Variants in XIAP observed in about 807,000 individuals in gnomAD.
XIAP encodes the protein X-linked inhibitor of apoptosis.
Under a neutral mutation model 33.1 loss-of-function variants are expected in XIAP, and 3 were observed. The observed-to-expected ratio is 0.09, with a 90% CI of 0.04 to 0.23. The LOEUF is 0.23. XIAP is among the 10% of genes least tolerant of loss of function. XIAP has a pLI of 1.00. For missense variants in XIAP, 264 were observed against 363.0 expected, an observed-to-expected ratio of 0.73 and a Z score of 2.22; for synonymous variants, 98 against 121.3, an observed-to-expected ratio of 0.81 and a Z score of 1.26.
intron 4 of XIAP, among the ~76,000 whole-genome samples, 181 bp from the exon 5 acceptor site, chrX:123,892,550 A>G (rs971065404): frequency 9.0e-6 from 1 of 111,275 alleles, no homozygotes; most frequent in African/African-American, 3.3e-5. Context: ...TGAAGGGATT[A>G]GATTAGATAA....
intron 1 of XIAP, 56 bp downstream of exon 1, chrX:123,860,349 C>T (rs1294854343): frequency 1.2e-5 from 4 of 322,820 alleles, no homozygotes; most frequent in African/African-American, 1.1e-4. Flanking sequence ...TTCCCCTCTC[C>T]TCCCTCCCCT....
intron 3 of XIAP, among the ~76,000 whole-genome samples, chrX:123,889,997 ATTTTTTTTTTTTTTTTTTTT>A (rs771503633): frequency 4.2e-4 from 14 of 33,068 alleles, no homozygotes; most frequent in South Asian, 2.7e-3. Flanking sequence ...AGTTGTTCAC[ATTTTTTTTTTTTTTTTTTTT>A]TTTTTTTTTT....
At chrX:123,900,454 A>T in intron 5 of XIAP, 39 bp from the exon 6 acceptor site, 1 of 1,108,224 alleles carries the variant, frequency 9.0e-7, no homozygotes, top group Non-Finnish European at 1.2e-6. Flanking sequence ...ATAATTGTTT[A>T]AATTCTATGT....
In XIAP at chrX:123,908,142, A is replaced by G. The variant is rs760512660; in HGVS notation, c.*961A>G. ...TCAAACGCCTGCAAAACTACTTATC[A>G]CTCAGCTTTAGTTTTTCTAATCCAA... is the stretch of plus-strand genomic sequence containing the variant. On this transcript the variant is annotated 3_prime_UTR_variant, in exon 7 of 7. Transcript: ENST00000371199. The G allele has an allele frequency of 2.8e-5, 10 of 362,867 alleles. No homozygotes were observed. The highest frequency in any genetic ancestry group is 5.2e-5 in the Non-Finnish European group (10 of 190,726). The allele number at this position is 362,867 out of a possible 1,213,427, so 29.9% of individuals were successfully genotyped here. A position where few individuals can be genotyped will look rare whatever the true frequency, so the allele number is the denominator to read the frequency against.
Position 123,908,255 on chromosome X carries a change from G to T in XIAP, c.*1074G>T, listed in dbSNP as rs1217586777. 5.5e-6 allele frequency: 2 copies of T among 363,593 alleles called. No homozygotes were observed. The highest frequency in any genetic ancestry group is 6.0e-5 in the Admixed American group (2 of 33,190). The allele number at this position is 363,593 out of a possible 1,213,427, so 30.0% of individuals were successfully genotyped here. A position where few individuals can be genotyped will look rare whatever the true frequency, so the allele number is the denominator to read the frequency against. On this transcript the variant is annotated 3_prime_UTR_variant, in exon 7 of 7. Coordinates refer to ENST00000371199, the MANE Select transcript of XIAP (RefSeq NM_001167.4). ...TGCTTTGTGGATGAAAAATATTTCT[G>T]AGTGGTAGTTTTTTGACAGGTAGAC...
rs774271940 is a variant in XIAP, at chrX:123,892,808, C to G, written c.1099+35C>G. 3.6e-6 allele frequency: 4 copies of G among 1,110,060 alleles called. No individual in the cohort carries two copies. The African/African-American group carries it at 7.3e-5, about 20-fold the overall frequency. The allele number at this position is 1,110,060 out of a possible 1,213,427, so 91.5% of individuals were successfully genotyped here. A position where few individuals can be genotyped will look rare whatever the true frequency, so the allele number is the denominator to read the frequency against. Reference sequence around the variant, plus strand: ...CTTGTTAACTATCCTTTTAATTTAACTGCCAATTTATTTATTTATTTATTT... The same window carrying G: ...CTTGTTAACTATCCTTTTAATTTAAGTGCCAATTTATTTATTTATTTATTT... On this transcript the variant is annotated intron_variant, in intron 5 of 6. Coordinates refer to ENST00000371199, the MANE Select transcript of XIAP (RefSeq NM_001167.4).
At chrX:123,882,331 A>G (rs1243200477) in intron 1 of XIAP, among the ~76,000 whole-genome samples, 2 of 111,538 alleles carry the variant, frequency 1.8e-5, no homozygotes, top group Admixed American at 1.9e-4. Flanking sequence ...AATGACCTTA[A>G]TTCTGCCCTC....
intron 1 of XIAP, among the ~76,000 whole-genome samples, chrX:123,867,366 T>A (rs2148071992): frequency 9.4e-6 from 1 of 106,755 alleles, no homozygotes; most frequent in Non-Finnish European, 1.9e-5. Context: ...GCAGTCTTTT[T>A]TTTTTTTTTG....
intron 1 of XIAP, among the ~76,000 whole-genome samples, chrX:123,883,163 A>T (rs1015293703): frequency 9.2e-6 from 1 of 109,276 alleles, no homozygotes; most frequent in African/African-American, 3.3e-5. Flanking sequence ...GCTCACTGCA[A>T]CCTCCGCTCC....
intron 4 of XIAP, among the ~76,000 whole-genome samples, chrX:123,892,290 C>T (rs1334980717): frequency 1.8e-5 from 2 of 111,186 alleles, no homozygotes; most frequent in East Asian, 5.6e-4. Flanking sequence ...TTGCTTGAAC[C>T]TGGGAGGTGG....
intron 5 of XIAP, among the ~76,000 whole-genome samples, chrX:123,899,165 ATG>A (rs2053491156): frequency 3.1e-5 from 1 of 32,344 alleles, no homozygotes; most frequent in Non-Finnish European, 5.3e-5. Context: ...ATATATATAT[ATG>A]ATTTTATATA....
chrX:123,860,426 A>T (rs1410930363), intron 1 of XIAP, 133 bp downstream of exon 1: 2 of 276,835 alleles, frequency 7.2e-6, no homozygotes, highest in Non-Finnish European at 1.4e-5. Flanking sequence ...GCGCCAGCCC[A>T]TCAGGGGTGG....
At chrX:123,860,603 GTGATAACC>G in intron 1 of XIAP, 1 of 245,411 alleles carries the variant, frequency 4.1e-6, no homozygotes, top group Non-Finnish European at 7.7e-6. Flanking sequence ...TCCTCCCCAT[GTGATAACC>G]TGTGGCTTGT....
chrX:123,871,006 G>A (rs1332261862), intron 1 of XIAP, among the ~76,000 whole-genome samples: 1 of 111,039 alleles, frequency 9.0e-6, no homozygotes, highest in African/African-American at 3.3e-5. Flanking sequence ...ACATTGGCAC[G>A]ATCTGGGCTC....
At chrX:123,894,115 C>T (rs1476445631) in intron 5 of XIAP, among the ~76,000 whole-genome samples, 1 of 112,462 alleles carries the variant, frequency 8.9e-6, no homozygotes, top group Non-Finnish European at 1.9e-5. Context: ...GTACCTTCCC[C>T]AGCTTCTTCA....
chrX:123,896,354 A>G (rs1485543743), intron 5 of XIAP, among the ~76,000 whole-genome samples: 2 of 111,659 alleles, frequency 1.8e-5, no homozygotes, highest in Non-Finnish European at 3.8e-5. Flanking sequence ...GGTGTGATCC[A>G]CTGTGCCCAG....
In XIAP at chrX:123,871,670, T is replaced by C. The variant is rs1300789687; in HGVS notation, c.-33+11377T>C. On this transcript the variant is annotated intron_variant, in intron 1 of 6. Coordinates refer to ENST00000371199, the MANE Select transcript of XIAP (RefSeq NM_001167.4). ...TTTTTTGGGGTTTTTTTTGTTTTTT[T>C]GTTTTTTTTAGTGACTGGGTCTACC... 3.6e-5 allele frequency among the ~76,000 whole-genome samples: 4 copies of C among 110,728 alleles called. No individual in the cohort carries two copies. The East Asian group carries it at 8.4e-4, about 23-fold the overall frequency.
intron 1 of XIAP, 66 bp downstream of exon 1, chrX:123,860,359 T>G (rs1404016978): frequency 1.3e-5 from 4 of 317,563 alleles, no homozygotes; most frequent in African/African-American, 1.1e-4. Context: ...CTCCCTCCCC[T>G]CTTCTTTTCC....
intron 5 of XIAP, among the ~76,000 whole-genome samples, chrX:123,896,454 T>G (rs1323165922): frequency 9.0e-6 from 1 of 111,722 alleles, no homozygotes; most frequent in Non-Finnish European, 1.9e-5. Context: ...AAAAGAGATC[T>G]TTATATATTA....
Sources: allele counts gnomAD v4.1 joint callset (sites outside exome capture counted in the v4.1 genomes callset), GRCh38; gene constraint gnomAD v4.1.1; transcripts MANE v1.5; gene names NCBI Gene and HGNC (gene_info 2026-07-23, HGNC 2026-07-21).